The following FER1L6 variants were observed in gnomAD, a reference collection of about 807,000 sequenced individuals.
FER1L6 encodes the protein fer-1-like protein 6.
FER1L6 carries 177 observed loss-of-function variants against 219.2 expected under a neutral mutation model. That is an observed-to-expected ratio of 0.81 (90% CI 0.71 to 0.91). The LOEUF is 0.91. FER1L6 is among the 40% of genes least tolerant of loss of function. FER1L6 has a pLI of 0.00. For missense variants in FER1L6, 2,153 were observed against 2,259.9 expected, an observed-to-expected ratio of 0.95 and a Z score of 0.96; for synonymous variants, 768 against 824.3, an observed-to-expected ratio of 0.93 and a Z score of 1.17.
At chr8:123,949,747 C>A (rs1022400942) in intron 1 of FER1L6, among the ~76,000 whole-genome samples, 3 of 152,214 alleles carry the variant, frequency 2.0e-5, no homozygotes, top group Middle Eastern at 3.4e-3. Context: ...GGCAGGTAGA[C>A]CCAAAGGAAG....
At chr8:123,988,401 A>G (rs1426178429) in intron 12 of FER1L6, among the ~76,000 whole-genome samples, 1 of 152,194 alleles carries the variant, frequency 6.6e-6, no homozygotes, top group African/African-American at 2.4e-5. Context: ...TTGAATCTGT[A>G]GATTGCTTTG....
chr8:123,885,826 G>C (rs1817191471), intron 1 of FER1L6, among the ~76,000 whole-genome samples: 1 of 152,122 alleles, frequency 6.6e-6, no homozygotes, highest in African/African-American at 2.4e-5. Context: ...CCCAGGATGA[G>C]GTCTTAGCCA....
At chr8:124,023,379 C>T (rs1563749933) in intron 17 of FER1L6, 65 bp from the exon 18 acceptor site, 1 of 1,524,984 alleles carries the variant, frequency 6.6e-7, no homozygotes, top group African/African-American at 1.4e-5. Flanking sequence ...CTGCAAGTGC[C>T]TTTGTTCAAT....
chr8:124,097,422 A>C (rs1822354765), intron 36 of FER1L6, 63 bp downstream of exon 36: 1 of 1,189,216 alleles, frequency 8.4e-7, no homozygotes, highest in Non-Finnish European at 1.2e-6. Flanking sequence ...AAGAATCATG[A>C]CATTTTATCT....
chr8:124,072,659 C>G (rs1821123780), intron 31 of FER1L6, among the ~76,000 whole-genome samples: 3 of 152,196 alleles, frequency 2.0e-5, no homozygotes, highest in Admixed American at 1.3e-4. Context: ...TCCTCTGCAT[C>G]TTCCCCACAA....
chr8:123,888,693 C>T (rs1183455590), intron 1 of FER1L6, among the ~76,000 whole-genome samples: 2 of 152,138 alleles, frequency 1.3e-5, no homozygotes, highest in African/African-American at 4.8e-5. Context: ...CCTGGATCAC[C>T]TATTTGGGTT....
chr8:124,046,467 G>GATA (rs1210606206), intron 21 of FER1L6: 1 of 152,208 alleles, frequency 6.6e-6, no homozygotes, highest in Non-Finnish European at 1.5e-5. Flanking sequence ...TGAACCCTTG[G>GATA]ATAGAGTCCA....
At chr8:123,984,606 G>A (rs982415884) in intron 11 of FER1L6, 5 of 152,262 alleles carry the variant, frequency 3.3e-5, no homozygotes, top group African/African-American at 1.2e-4. Context: ...TAGGAGGCTA[G>A]TTAATAGTCA....
chr8:123,882,635 G>A (rs1817128691), intron 1 of FER1L6, among the ~76,000 whole-genome samples: 1 of 152,112 alleles, frequency 6.6e-6, no homozygotes, highest in Non-Finnish European at 1.5e-5. Context: ...CTGAGATAGT[G>A]CCAAGTATTC....
intron 1 of FER1L6, among the ~76,000 whole-genome samples, chr8:123,895,532 T>C (rs1019650595): frequency 2.9e-4 from 44 of 152,180 alleles, no homozygotes; most frequent in Non-Finnish European, 8.8e-5. Flanking sequence ...TGTAGTAACT[T>C]GCCCACAGCT....
chr8:123,886,466 C>A (rs546784433), intron 1 of FER1L6, among the ~76,000 whole-genome samples: 1 of 152,162 alleles, frequency 6.6e-6, no homozygotes, highest in Non-Finnish European at 1.5e-5. Flanking sequence ...CCCCTTTGAC[C>A]TACTGACATG....
At chr8:123,987,863 G>A (rs1279380638) in intron 12 of FER1L6, among the ~76,000 whole-genome samples, 1 of 152,146 alleles carries the variant, frequency 6.6e-6, no homozygotes. Context: ...TGTAATCCCA[G>A]CAGTTTGGGA....
intron 1 of FER1L6, among the ~76,000 whole-genome samples, chr8:123,883,042 C>G (rs559062714): frequency 1.8e-4 from 28 of 151,930 alleles, no homozygotes; most frequent in African/African-American, 2.9e-4. Flanking sequence ...TAAAACTGTT[C>G]TAAAAAATAA....
In FER1L6 at chr8:123,889,406, CATTTCCAATTAAGA is replaced by C. The variant is rs1302388965; in HGVS notation, c.-8+37223_-8+37236del. Among the ~76,000 whole-genome samples, 3 of 152,114 alleles carry C rather than the reference CATTTCCAATTAAGA, an allele frequency of 2.0e-5. No homozygotes were observed. In the East Asian group the frequency reaches 5.8e-4, roughly 29 times the overall value. On this transcript the variant is annotated intron_variant, in intron 1 of 40. Transcript: ENST00000522917. Reference sequence around the variant, plus strand: ...GTTGCTGCTCATTAGATGCCTGAGTCATTTCCAATTAAGAAAGGGTTATGATATGGGGAAATATG... The same window carrying C: ...GTTGCTGCTCATTAGATGCCTGAGTCAAGGGTTATGATATGGGGAAATATG...
chr8:124,100,583 G>T (rs952652649), intron 37 of FER1L6, among the ~76,000 whole-genome samples: 1 of 152,126 alleles, frequency 6.6e-6, no homozygotes, highest in Admixed American at 6.6e-5. Flanking sequence ...GGCTTTCTAG[G>T]CCTAGAACCA....
intron 3 of FER1L6, among the ~76,000 whole-genome samples, chr8:123,964,755 C>T (rs1232819259): frequency 6.6e-6 from 1 of 152,250 alleles, no homozygotes; most frequent in African/African-American, 2.4e-5. Flanking sequence ...TTCTATCCAC[C>T]CACCAATGCT....
intron 31 of FER1L6, among the ~76,000 whole-genome samples, chr8:124,072,315 T>G (rs1380151270): frequency 6.6e-6 from 1 of 152,152 alleles, no homozygotes; most frequent in African/African-American, 2.4e-5. Context: ...CCTCTAAGCT[T>G]CCCTCTTTCT....
chr8:124,045,236 C>T (rs992429631), intron 20 of FER1L6, among the ~76,000 whole-genome samples: 5 of 152,306 alleles, frequency 3.3e-5, no homozygotes, highest in East Asian at 1.9e-4. Flanking sequence ...ATCTACATGG[C>T]GAGAGTGGGT....
chr8:124,069,457 C>T lies in FER1L6; in HGVS notation c.3816C>T (p.Pro1272=), dbSNP rs773727479. Residue 1272 remains proline, a synonymous_variant, in exon 29 of 41, where the codon CCC becomes CCT. Coordinates refer to ENST00000522917, the MANE Select transcript of FER1L6 (RefSeq NM_001039112.2). ...AGAAACCCAAAGATGATGGAATCCC[C>T]AACCTGGCCATCTTGCAGGTATGTG... ...LKKKPKDDGI[P]NLAILQIYDG... is the part of the protein sequence containing the mutation. The T allele has an allele frequency of 5.6e-6, 9 of 1,609,278 alleles. No homozygotes were observed. The South Asian group carries it at 1.0e-4, about 18-fold the overall frequency.
Sources: gnomAD v4.1 joint callset for allele counts (sites outside exome capture counted in the v4.1 genomes callset) on GRCh38, gnomAD v4.1.1 for gene constraint, MANE v1.5 for transcripts, NCBI Gene and HGNC (gene_info 2026-07-23, HGNC 2026-07-21) for gene names.